Variants in CPNE7 observed in about 807,000 individuals in gnomAD.
CPNE7 encodes copine-7.
A neutral mutation model predicts 66.5 loss-of-function variants in CPNE7; 78 were observed. The ratio of observed to expected loss-of-function variants is 1.17; its 90% confidence interval spans 0.98 to 1.42. The LOEUF (loss-of-function observed/expected upper bound fraction) is 1.42, where lower values mean the gene tolerates loss of function less well. Among genes scored for constraint, CPNE7 ranks in the 40% most tolerant of loss-of-function variants. The pLI is 0.00. For synonymous variants in CPNE7, 468 were observed against 336.7 expected, an observed-to-expected ratio of 1.39 and a Z score of -4.27; for missense variants, 1,012 against 776.6, an observed-to-expected ratio of 1.30 and a Z score of -3.60.
chr16:89,583,833 G>T, intron 3 of CPNE7, 62 bp downstream of exon 3: 1 of 1,583,078 alleles, frequency 6.3e-7, no homozygotes, highest in African/African-American at 1.3e-5. Context: ...GAGGGGTGTT[G>T]TGGGCGGAAG....
intron 2 of CPNE7, among the ~76,000 whole-genome samples, chr16:89,580,731 A>ATG (rs2058942212): frequency 7.4e-6 from 1 of 134,500 alleles, no homozygotes; most frequent in African/African-American, 2.8e-5. Context: ...CCGCTGACAC[A>ATG]GAACATCTCA....
chr16:89,590,081 C>T (rs952568963), intron 11 of CPNE7, 130 bp downstream of exon 11: 12 of 1,045,884 alleles, frequency 1.1e-5, no homozygotes, highest in Non-Finnish European at 1.7e-5. Context: ...GATTGGGGTG[C>T]AAAGCGGGAA....
intron 2 of CPNE7, chr16:89,583,438 A>C: frequency 6.5e-7 from 1 of 1,550,116 alleles, no homozygotes; most frequent in Non-Finnish European, 8.7e-7. Flanking sequence ...CTCACCTGGT[A>C]AATAGGTATG....
intron 8 of CPNE7, 93 bp from the exon 9 acceptor site, chr16:89,586,950 A>T: frequency 7.7e-7 from 1 of 1,293,048 alleles, no homozygotes; most frequent in Non-Finnish European, 1.1e-6. Context: ...CCCCAGAGGG[A>T]CTGGGCTGCC....
chr16:89,576,685 G>T (rs998796611), intron 1 of CPNE7, among the ~76,000 whole-genome samples: 2 of 152,282 alleles, frequency 1.3e-5, no homozygotes, highest in East Asian at 3.9e-4. Context: ...GCGCGAAGCC[G>T]CAGCGGGCGG....
At chr16:89,585,210 G>A (rs546694972) in intron 5 of CPNE7, among the ~76,000 whole-genome samples, 2 of 152,342 alleles carry the variant, frequency 1.3e-5, no homozygotes, top group South Asian at 2.1e-4. Flanking sequence ...AGAGAGCAGC[G>A]CAGGTGGCTC....
intron 14 of CPNE7, among the ~76,000 whole-genome samples, 183 bp from the exon 15 acceptor site, chr16:89,596,301 C>T (rs867459369): frequency 9.9e-5 from 15 of 152,226 alleles, no homozygotes; most frequent in South Asian, 2.1e-4. Flanking sequence ...GAAAGACCCA[C>T]GTGCAGCCTC....
Position 89,587,119 on chromosome 16 carries a change from GC to G in CPNE7, c.927+21del, listed in dbSNP as rs754423372. 1.0e-5 allele frequency: 14 copies of G among 1,376,362 alleles called. No homozygotes were observed. The highest frequency in any genetic ancestry group is 5.1e-5 in the South Asian group (4 of 77,784). 85.3% of individuals were successfully genotyped at this position (1,376,362 alleles called of 1,614,324 possible). A position where few individuals can be genotyped will look rare whatever the true frequency, so the allele number is the denominator to read the frequency against. On this transcript the variant is annotated intron_variant, in intron 9 of 14. Transcript: ENST00000319518. ...CACTTCACCGTGAGTCCATGGCCCC[GC>G]CCCATGCCGCCCCCTCAGTCCGTGG...
At position 89,577,644 on chromosome 16, in the gene CPNE7, T is replaced by C. The variant is rs1245729774; in HGVS notation, c.280T>C (p.Tyr94His). 4 of 1,589,974 alleles carry C rather than the reference T, an allele frequency of 2.5e-6. No homozygotes were observed. Among genetic ancestry groups the C allele is most frequent in the Non-Finnish European group, 3.4e-6 (4 of 1,168,232 alleles). ...EEVQRLRFEV[Y>H]DTHGPSGFSC... ...GGTGCAGAGGCTGCGCTTTGAGGTGTACGACACGCATGGGCCCAGCGGCTT... is the reference window on the plus strand; with the variant it reads ...GGTGCAGAGGCTGCGCTTTGAGGTGCACGACACGCATGGGCCCAGCGGCTT... The change falls in exon 2 of 15, where the codon TAC becomes CAC. Residue 94 changes from tyrosine (Y) to histidine (H), a missense_variant. Physicochemically the swap from Tyr to His is moderately conservative, Grantham distance 83. Coordinates refer to ENST00000319518, the MANE Select transcript of CPNE7 (RefSeq NM_153636.3).
At chr16:89,578,251 G>C (rs542614775) in intron 2 of CPNE7, among the ~76,000 whole-genome samples, 1 of 151,946 alleles carries the variant, frequency 6.6e-6, no homozygotes, top group Non-Finnish European at 1.5e-5. Flanking sequence ...TTTCAGTAGA[G>C]ACGGGGTTTC....
intron 13 of CPNE7, chr16:89,594,078 G>C (rs1350587199): frequency 6.6e-6 from 1 of 152,246 alleles, no homozygotes; most frequent in African/African-American, 2.4e-5. Flanking sequence ...GAATTGGGTT[G>C]AAACGAGGAC....
chr16:89,577,067 A>G (rs1302753063), intron 1 of CPNE7, among the ~76,000 whole-genome samples: 1 of 152,176 alleles, frequency 6.6e-6, no homozygotes, highest in Non-Finnish European at 1.5e-5. Context: ...TGAAATGAGT[A>G]GCCTACTGGC....
At chr16:89,594,692 G>A (rs1351664346) in intron 13 of CPNE7, among the ~76,000 whole-genome samples, 2 of 116,208 alleles carry the variant, frequency 1.7e-5, no homozygotes, top group African/African-American at 6.7e-5. Flanking sequence ...TCACTCTATC[G>A]CCAGGCTGAA....
chr16:89,583,360 C>G, intron 2 of CPNE7: 1 of 1,351,266 alleles, frequency 7.4e-7, no homozygotes, highest in Non-Finnish European at 1.0e-6. Flanking sequence ...GGGGCGTCCG[C>G]CACACCTGTG....
chr16:89,579,615 C>G lies in CPNE7; in HGVS notation c.357+1894C>G, dbSNP rs34652781. 2.7e-5 allele frequency among the ~76,000 whole-genome samples: 4 copies of G among 149,458 alleles called. No individual in the cohort carries two copies. The East Asian group carries it at 6.0e-4, about 22-fold the overall frequency. ...ACAGAACATCCCTTCACCCATCACA[C>G]GGAACATCCCATCACCCATCACATC... On this transcript the variant is annotated intron_variant, in intron 2 of 14. Coordinates refer to ENST00000319518, the MANE Select transcript of CPNE7 (RefSeq NM_153636.3).
chr16:89,591,040 G>A lies in CPNE7; in HGVS notation c.1150G>A (p.Glu384Lys), dbSNP rs1464023582. Residue 384 changes from glutamate to lysine, a missense_variant, in exon 12 of 15, where the codon GAG becomes AAG. Coordinates refer to ENST00000319518, the MANE Select transcript of CPNE7 (RefSeq NM_153636.3). Reference protein sequence around the residue: ...SHDFAINFNPEDDECEGIQGV... With the variant: ...SHDFAINFNPKDDECEGIQGV... ...TGACTTTGCCATCAATTTCAACCCT[G>A]AGGACGATGAGTGTGAAGGTAGGAG... The A allele has an allele frequency of 6.2e-7, 1 of 1,613,736 alleles. No individual in the cohort carries two copies. The highest frequency in any genetic ancestry group is 8.5e-7 in the Non-Finnish European group (1 of 1,179,892).
rs765318480 is a variant in CPNE7, at chr16:89,596,483, G to A, written c.1540-1G>A. ...GGTAACTGCGTTGTCCCATCCTCCA[G>A]GCATCCCCTGCGGCGCTGGCCAAGT... On this transcript the variant is annotated splice_acceptor_variant, in intron 14 of 14. Transcript: ENST00000319518. LOFTEE classifies it high-confidence loss of function. 2 of 1,605,108 alleles carry A rather than the reference G, an allele frequency of 1.2e-6. No individual in the cohort carries two copies. Among genetic ancestry groups the A allele is most frequent in the South Asian group, 2.2e-5 (2 of 90,748 alleles).
chr16:89,576,269 G>T (rs1376159005), intron 1 of CPNE7, among the ~76,000 whole-genome samples, 198 bp downstream of exon 1: 2 of 152,104 alleles, frequency 1.3e-5, no homozygotes, highest in African/African-American at 4.8e-5. Flanking sequence ...GGAGAGGCTG[G>T]GCTGGAGGAG....
At chr16:89,593,382 C>G (rs928332128) in intron 13 of CPNE7, among the ~76,000 whole-genome samples, 5 of 149,726 alleles carry the variant, frequency 3.3e-5, no homozygotes, top group African/African-American at 4.9e-5. Flanking sequence ...GAGATGGAGT[C>G]TCGCTCTTCA....
Sources: allele counts gnomAD v4.1 joint callset (sites outside exome capture counted in the v4.1 genomes callset), GRCh38; gene constraint gnomAD v4.1.1; transcripts MANE v1.5; gene names NCBI Gene and HGNC (gene_info 2026-07-23, HGNC 2026-07-21).